Variants in SPECC1L observed in about 807,000 individuals in gnomAD.
SPECC1L encodes the protein cytospin-A.
Under a neutral mutation model 116.8 loss-of-function variants are expected in SPECC1L, and 40 were observed. The observed-to-expected ratio is 0.34, with a 90% CI of 0.27 to 0.45. The LOEUF is 0.45. Ranked by LOEUF, SPECC1L falls within the 20% of genes least tolerant of loss-of-function variation. The pLI is 1.00. For synonymous variants in SPECC1L, 504 were observed against 500.6 expected (o/e 1.01, Z -0.09); for missense variants, 1,110 against 1,373.6 (o/e 0.81, Z 3.03).
chr22:24,321,575 A>G lies in SPECC1L; in HGVS notation c.595A>G (p.Ile199Val). The G allele has an allele frequency of 1.2e-6, 2 of 1,614,220 alleles. No individual in the cohort carries two copies. The highest frequency in any genetic ancestry group is 1.7e-6 in the Non-Finnish European group (2 of 1,180,040). Residue 199 changes from isoleucine (I) to valine (V), a missense_variant, in exon 5 of 17, where the codon ATT becomes GTT. Transcript: ENST00000314328. The stretch of plus-strand genomic sequence containing the variant: ...GCTGGCAAAAACCAAAGACGTAGAA[A>G]TTTTACATTTGAGAAATGAACTGCG... The part of the protein sequence containing the change: ...LTLAKTKDVE[I>V]LHLRNELRDM...
At chr22:24,412,748 T>C (rs1164965095) in intron 16 of SPECC1L, 41 bp downstream of exon 16, 2 of 1,605,334 alleles carry the variant, frequency 1.2e-6, no homozygotes, top group Admixed American at 3.3e-5. Context: ...GGGCCCTCCT[T>C]CTGGTTAAGA....
chr22:24,389,855 A>C (rs1020333306), intron 14 of SPECC1L, among the ~76,000 whole-genome samples: 3 of 152,162 alleles, frequency 2.0e-5, no homozygotes, highest in Non-Finnish European at 4.4e-5. Flanking sequence ...CAACCCAGGC[A>C]TGAGATTAGC....
intron 14 of SPECC1L, among the ~76,000 whole-genome samples, chr22:24,369,823 T>C (rs2146649052): frequency 6.6e-6 from 1 of 152,352 alleles, no homozygotes; most frequent in African/African-American, 2.4e-5. Context: ...GGTTAAATGC[T>C]TTTTTTAAGT....
chr22:24,338,916 T>A (rs932677099), intron 10 of SPECC1L, among the ~76,000 whole-genome samples: 1 of 152,226 alleles, frequency 6.6e-6, no homozygotes, highest in African/African-American at 2.4e-5. Flanking sequence ...TCAGTGACTT[T>A]AGTCACTACA....
At chr22:24,402,099 T>TTCCCCTTCCC (rs2042488854) in intron 14 of SPECC1L, among the ~76,000 whole-genome samples, 1 of 107,214 alleles carries the variant, frequency 9.3e-6, no homozygotes, top group Non-Finnish European at 2.0e-5. Context: ...AATGTACTGC[T>TTCCCCTTCCC]TCCCCTTCCT....
chr22:24,344,341 A>T (rs888343137), intron 10 of SPECC1L, among the ~76,000 whole-genome samples: 1 of 149,730 alleles, frequency 6.7e-6, no homozygotes, highest in Non-Finnish European at 1.5e-5. Context: ...GGGAAAAAAA[A>T]TTAAAAAAAA....
chr22:24,349,693 A>T (rs779702366), intron 11 of SPECC1L, among the ~76,000 whole-genome samples: 2 of 151,842 alleles, frequency 1.3e-5, no homozygotes, highest in Non-Finnish European at 2.9e-5. Context: ...GTCATCCTTA[A>T]CTCCCGTCTT....
Position 24,322,874 on chromosome 22 carries a change from C to A in SPECC1L, c.1894C>A (p.His632Asn), listed in dbSNP as rs1428489706. The A allele has an allele frequency of 3.7e-6, 6 of 1,613,632 alleles. No individual in the cohort carries two copies. The highest frequency in any genetic ancestry group is 5.1e-6 in the Non-Finnish European group (6 of 1,179,840). Residue 632 changes from histidine (H) to asparagine (N), a missense_variant, in exon 5 of 17, where the codon CAT becomes AAT. Coordinates refer to ENST00000314328, the MANE Select transcript of SPECC1L (RefSeq NM_015330.6). ...LASSLQEDLA[H>N]TRNDANRLQD... ...TAGTAGCTTGCAGGAAGATCTGGCT[C>A]ATACCCGAAATGATGCCAATCGATT...
At position 24,414,608 on chromosome 22, in the gene SPECC1L, G is replaced by A. The variant is rs978940814; in HGVS notation, c.3339G>A (p.Lys1113=). 3.7e-6 allele frequency: 6 copies of A among 1,613,874 alleles called. No homozygotes were observed. The highest frequency in any genetic ancestry group is 1.3e-5 in the African/African-American group (1 of 74,942). ...TGCTGTATGTGACGGCGATCTACAA[G>A]TACTTTGAGACCTGAGCATGCCGGG... The part of the protein sequence containing the change: ...NVMLYVTAIY[K]YFET The change falls in exon 17 of 17, where the codon AAG becomes AAA. Residue 1113 remains lysine, a synonymous_variant. Coordinates refer to ENST00000314328, the MANE Select transcript of SPECC1L (RefSeq NM_015330.6).
intron 11 of SPECC1L, among the ~76,000 whole-genome samples, chr22:24,355,971 G>A (rs55791658): frequency 6.6e-6 from 1 of 151,684 alleles, no homozygotes; most frequent in Non-Finnish European, 1.5e-5. Flanking sequence ...ATTCCTTCAT[G>A]CTGCCCCTTT....
In SPECC1L at chr22:24,393,020, A is replaced by C. The variant is rs537316045; in HGVS notation, c.3088-18568A>C. On this transcript the variant is annotated intron_variant, in intron 14 of 16. Transcript: ENST00000314328. ...TTGTCGAGAGGGAGAGACAGGCATA[A>C]GCCACCCCACCTTTGATGACACAGT... 3.8e-4 allele frequency among the ~76,000 whole-genome samples: 58 copies of C among 152,330 alleles called. 3 individuals carry two copies. The South Asian group carries it at 0.012, about 30-fold the overall frequency.
chr22:24,300,014 T>G (rs2049345265), intron 2 of SPECC1L, among the ~76,000 whole-genome samples: 1 of 152,206 alleles, frequency 6.6e-6, no homozygotes, highest in African/African-American at 2.4e-5. Context: ...AGTTTTTTTG[T>G]TCTTTATTTA....
At chr22:24,383,412 ATAAT>A (rs749925749) in intron 14 of SPECC1L, among the ~76,000 whole-genome samples, 20 of 152,190 alleles carry the variant, frequency 1.3e-4, no homozygotes, top group Non-Finnish European at 1.0e-4. Flanking sequence ...CCCTGTCTCT[ATAAT>A]TAATTAATTA....
Position 24,324,282 on chromosome 22 carries a change from G to A in SPECC1L, c.2001G>A (p.Met667Ile), listed in dbSNP as rs1459146129. Residue 667 changes from methionine (M) to isoleucine (I), a missense_variant, in exon 6 of 17, where the codon ATG (methionine) becomes ATA (isoleucine). By Grantham distance (10) the Met-to-Ile change is conservative (BLOSUM62 1). Coordinates refer to ENST00000314328, the MANE Select transcript of SPECC1L (RefSeq NM_015330.6). ...EAKKQIEDLNMTLEKLRSDLD... is the reference protein window; with the variant it reads ...EAKKQIEDLNITLEKLRSDLD... ...AGAAACAAATTGAAGATTTGAATAT[G>A]ACGTTAGAAAAATTAAGATCAGACC... 3 of 1,614,054 alleles carry A rather than the reference G, an allele frequency of 1.9e-6. No homozygotes were observed. Among genetic ancestry groups the A allele is most frequent in the East Asian group, 4.5e-5 (2 of 44,862 alleles).
intron 12 of SPECC1L, among the ~76,000 whole-genome samples, chr22:24,364,434 G>T (rs2041710378): frequency 6.6e-6 from 1 of 151,746 alleles, no homozygotes; most frequent in African/African-American, 2.4e-5. Context: ...ATGCCTAGGT[G>T]GGCGGATCAC....
intron 10 of SPECC1L, among the ~76,000 whole-genome samples, chr22:24,346,002 G>GT (rs1020589822): frequency 3.0e-4 from 44 of 148,178 alleles, no homozygotes; most frequent in East Asian, 7.9e-4. Context: ...GATTCTTTCT[G>GT]TTTTTTTTGT....
In SPECC1L at chr22:24,324,548, T is replaced by G. The variant is rs1180562587; in HGVS notation, c.2146+121T>G. 5 of 943,922 alleles carry G rather than the reference T, an allele frequency of 5.3e-6. No homozygotes were observed. The African/African-American group carries it at 6.5e-5, about 12-fold the overall frequency. The allele number at this position is 943,922 out of a possible 1,614,324, so 58.5% of individuals were successfully genotyped here. ...GCTCATGCCTGTAATTCCAGCACTT[T>G]GGGAGTTCAAAACCGAACCAGGCTG... On this transcript the variant is annotated intron_variant, in intron 6 of 16. Coordinates refer to ENST00000314328, the MANE Select transcript of SPECC1L (RefSeq NM_015330.6).
At chr22:24,372,708 C>G (rs1029089995) in intron 14 of SPECC1L, among the ~76,000 whole-genome samples, 60 of 151,190 alleles carry the variant, frequency 4.0e-4, no homozygotes, top group Middle Eastern at 3.4e-3. Flanking sequence ...CCTTTGAAAA[C>G]TGGCACAAGA....
At chr22:24,279,886 T>C (rs2048909272) in intron 2 of SPECC1L, among the ~76,000 whole-genome samples, 1 of 152,232 alleles carries the variant, frequency 6.6e-6, no homozygotes. Context: ...GTGAACAGAA[T>C]AGTTTTCCAT....
Sources: gnomAD v4.1 joint callset for allele counts (sites outside exome capture counted in the v4.1 genomes callset) on GRCh38, gnomAD v4.1.1 for gene constraint, MANE v1.5 for transcripts, NCBI Gene and HGNC (gene_info 2026-07-23, HGNC 2026-07-21) for gene names.